The following HS3ST6 variants were observed in gnomAD, a reference collection of about 807,000 sequenced individuals.
HS3ST6 encodes the protein heparan sulfate-glucosamine 3-sulfotransferase 6, also known as heparan sulfate glucosamine 3-O-sulfotransferase 6.
HS3ST6 carries 13 observed loss-of-function variants against 11.0 expected under a neutral mutation model. That is an observed-to-expected ratio of 1.18 (90% CI 0.77 to 1.88). The LOEUF (loss-of-function observed/expected upper bound fraction) is 1.88, where lower values mean the gene tolerates loss of function less well. Among genes scored for constraint, HS3ST6 ranks in the 40% most tolerant of loss-of-function variants. The probability of loss-of-function intolerance (pLI) is 0.00; values close to 1 mark genes in which losing one functional copy is unlikely to be tolerated. For missense variants in HS3ST6, 541 were observed against 494.4 expected (o/e 1.09, Z -0.89); for synonymous variants, 232 against 230.6 (o/e 1.01, Z -0.06).
intron 1 of HS3ST6, among the ~76,000 whole-genome samples, chr16:1,913,213 C>T (rs1233985446): frequency 2.6e-5 from 4 of 152,232 alleles, no homozygotes; most frequent in Admixed American, 6.5e-5. Context: ...GTGGCGGCGC[C>T]GGCCGGAGGA....
At chr16:1,913,810 GCTGCA>G (rs1429184593) in intron 1 of HS3ST6, among the ~76,000 whole-genome samples, 1 of 152,172 alleles carries the variant, frequency 6.6e-6, no homozygotes, top group African/African-American at 2.4e-5. Context: ...GCCAGAGGCA[GCTGCA>G]CAGACCCCTG....
intron 1 of HS3ST6, 107 bp downstream of exon 1, chr16:1,917,803 GC>G: frequency 1.1e-6 from 1 of 900,908 alleles, no homozygotes; most frequent in Non-Finnish European, 1.5e-6. Context: ...ACTGCCCGGA[GC>G]GCACCCCTGC....
At chr16:1,918,655 C>G (rs1247094246), upstream of HS3ST6, among the ~76,000 whole-genome samples, 2 of 152,026 alleles carry the variant, frequency 1.3e-5, no homozygotes, top group East Asian at 3.9e-4. The surrounding 1 kb of genome is among the most constrained non-coding windows in gnomAD (Gnocchi z 6.0). Context: ...TTCACCTCTG[C>G]GCGGGGAGGA....
Position 1,913,438 on chromosome 16 carries a change from G to A in HS3ST6, c.414-1233C>T, listed in dbSNP as rs991549048. 4.6e-5 allele frequency among the ~76,000 whole-genome samples: 7 copies of A among 152,180 alleles called. 1 individual carries two copies. The highest frequency in any genetic ancestry group is 4.6e-4 in the Admixed American group (7 of 15,284). On this transcript the variant is annotated intron_variant, in intron 1 of 1. Coordinates refer to ENST00000454677, the MANE Select transcript of HS3ST6 (RefSeq NM_001009606.4). The stretch of plus-strand genomic sequence containing the variant: ...CATTCTGGGTGCCCAGCCCGGGCAG[G>A]CCCAGGCACCCCCAGCAGTGCCCCG...
chr16:1,913,040 C>T (rs182615521), intron 1 of HS3ST6, among the ~76,000 whole-genome samples: 14 of 152,324 alleles, frequency 9.2e-5, no homozygotes, highest in African/African-American at 2.6e-4. Context: ...GATCCGCCTG[C>T]CTCAGCCTCC....
rs1347109239 is a variant in HS3ST6, at chr16:1,918,039, G to C, written c.285C>G (p.Ile95Met). 4.1e-5 allele frequency: 63 copies of C among 1,523,316 alleles called. 1 individual carries two copies. Among genetic ancestry groups the C allele is most frequent in the Non-Finnish European group, 5.1e-5 (58 of 1,142,646 alleles). 94.4% of individuals were successfully genotyped at this position (1,523,316 alleles called of 1,614,324 possible). ...PGRRRFPQAL[I>M]VGVKKGGTRA... ...GCGTGCCGCCCTTCTTCACGCCAAC[G>C]ATGAGCGCTTGCGGGAAGCGCCGGC... The change falls in exon 1 of 2, where the codon ATC becomes ATG. Residue 95 changes from isoleucine to methionine, a missense_variant. Transcript: ENST00000454677. This position sits in a 1 kb window ranked among gnomAD's most constrained non-coding sequence, Gnocchi z 6.0.
rs748917687 is a variant in HS3ST6 at position 1,912,044 on chromosome 16, G to A, written c.575C>T (p.Ala192Val). ...NPVTRAISDYAQTLSKTPGLP... is the reference protein window; with the variant it reads ...NPVTRAISDYVQTLSKTPGLP... ...GCCCGGGGTCTTGGAGAGCGTCTGG[G>A]CGTAGTCGGAGATGGCCCGGGTCAC... Residue 192 changes from alanine to valine, a missense_variant, in exon 2 of 2, where the codon GCC becomes GTC. Transcript: ENST00000454677. This position sits in a 1 kb window ranked among gnomAD's most constrained non-coding sequence, Gnocchi z 5.6. 10 of 1,520,482 alleles carry A rather than the reference G, an allele frequency of 6.6e-6. No homozygotes were observed. The highest frequency in any genetic ancestry group is 4.4e-6 in the Non-Finnish European group (5 of 1,136,094). The allele number at this position is 1,520,482 out of a possible 1,614,324, so 94.2% of individuals were successfully genotyped here.
In HS3ST6 at chr16:1,918,258, C is replaced by A; in HGVS notation, c.66G>T (p.Gly22=). Residue 22 remains glycine (G), a synonymous_variant, in exon 1 of 2, where the codon GGG becomes GGT. Transcript: ENST00000454677. This position sits in a 1 kb window ranked among gnomAD's most constrained non-coding sequence, Gnocchi z 6.0. Reference sequence around the variant, plus strand: ...GCGCGCGGGACGCCCGCAGAGCGGCCCCTTGCCCGGCCCCTGCGCCCTGGC... The same window carrying A: ...GCGCGCGGGACGCCCGCAGAGCGGCACCTTGCCCGGCCCCTGCGCCCTGGC... ...GGGQGAGAGQ[G]AALRASRAPM... is the part of the protein sequence containing the mutation. 1.0e-6 allele frequency: 1 copy of A among 1,003,786 alleles called. No individual in the cohort carries two copies. Among genetic ancestry groups the A allele is most frequent in the Non-Finnish European group, 1.2e-6 (1 of 841,882 alleles). The allele number at this position is 1,003,786 out of a possible 1,614,324, so 62.2% of individuals were successfully genotyped here.
upstream of HS3ST6, among the ~76,000 whole-genome samples, chr16:1,918,733 G>C (rs2082944922): frequency 6.6e-6 from 1 of 152,086 alleles, no homozygotes; most frequent in African/African-American, 2.4e-5. This position sits in a 1 kb window ranked among gnomAD's most constrained non-coding sequence, Gnocchi z 6.0. Context: ...GGGACCCTCT[G>C]TTTGAAGACC....
intron 1 of HS3ST6, among the ~76,000 whole-genome samples, chr16:1,914,222 C>A (rs767334687): frequency 9.2e-5 from 14 of 152,210 alleles, no homozygotes; most frequent in Non-Finnish European, 2.1e-4. Context: ...ACTCCCCGCC[C>A]CACCTCCTGC....
chr16:1,911,580 A>G lies in HS3ST6; in HGVS notation c.*10T>C. 3.8e-6 allele frequency: 6 copies of G among 1,583,804 alleles called. No homozygotes were observed. The highest frequency in any genetic ancestry group is 5.1e-6 in the Non-Finnish European group (6 of 1,165,482). The stretch of plus-strand genomic sequence containing the variant: ...GTCAATCAAGGTGCTGAGCATCCCC[A>G]GGGTGCCGCTCAGCCCCAGCCGAAG... On this transcript the variant is annotated 3_prime_UTR_variant, in exon 2 of 2. Coordinates refer to ENST00000454677, the MANE Select transcript of HS3ST6 (RefSeq NM_001009606.4).
In HS3ST6 at chr16:1,912,217, G is replaced by A. The variant is rs753806435; in HGVS notation, c.414-12C>T. 28 of 1,395,592 alleles carry A rather than the reference G, an allele frequency of 2.0e-5. No homozygotes were observed. Among genetic ancestry groups the A allele is most frequent in the Non-Finnish European group, 2.3e-5 (25 of 1,073,860 alleles). 86.5% of individuals were successfully genotyped at this position (1,395,592 alleles called of 1,614,324 possible). A position where few individuals can be genotyped will look rare whatever the true frequency, so the allele number is the denominator to read the frequency against. On this transcript the variant is annotated splice_polypyrimidine_tract_variant and intron_variant, in intron 1 of 1. Coordinates refer to ENST00000454677, the MANE Select transcript of HS3ST6 (RefSeq NM_001009606.4). This position sits in a 1 kb window ranked among gnomAD's most constrained non-coding sequence, Gnocchi z 5.6. ...GGGGCATCAGACTCCTGCGGGACGG[G>A]TGCAAGGAGAGGGGGCCTGAGCCTC...
chr16:1,911,971 C>A lies in HS3ST6; in HGVS notation c.648G>T (p.Val216=). 6.4e-7 allele frequency: 1 copy of A among 1,557,350 alleles called. No homozygotes were observed. Among genetic ancestry groups the A allele is most frequent in the African/African-American group, 1.4e-5 (1 of 73,480 alleles). ...TGCGGACGGCGCTCCAGGCTGTGTCCACGGGGCCCAGGCCGTGGCGGAAGG... is the reference window on the plus strand; with the variant it reads ...TGCGGACGGCGCTCCAGGCTGTGTCAACGGGGCCCAGGCCGTGGCGGAAGG... ...ALAFRHGLGP[V]DTAWSAVRIG... is the part of the protein sequence containing the mutation. Residue 216 remains valine, a synonymous_variant, in exon 2 of 2, where the codon GTG becomes GTT. Transcript: ENST00000454677.
At chr16:1,913,948 G>A (rs950431153) in intron 1 of HS3ST6, among the ~76,000 whole-genome samples, 24 of 152,130 alleles carry the variant, frequency 1.6e-4, no homozygotes, top group Admixed American at 2.6e-4. Flanking sequence ...TGGGCGGCAC[G>A]GGAGCCTTCC....
In HS3ST6 at chr16:1,912,035, A is replaced by G. The variant is rs780923344; in HGVS notation, c.584T>C (p.Leu195Pro). Reference sequence around the variant, plus strand: ...GCTGGGCAGGCCCGGGGTCTTGGAGAGCGTCTGGGCGTAGTCGGAGATGGC... The same window carrying G: ...GCTGGGCAGGCCCGGGGTCTTGGAGGGCGTCTGGGCGTAGTCGGAGATGGC... ...TRAISDYAQT[L>P]SKTPGLPSFR... The change falls in exon 2 of 2, where the codon CTC becomes CCC. Residue 195 changes from leucine to proline, a missense_variant. Transcript: ENST00000454677. This position sits in a 1 kb window ranked among gnomAD's most constrained non-coding sequence, Gnocchi z 5.6. 35 of 1,521,744 alleles carry G rather than the reference A, an allele frequency of 2.3e-5. No individual in the cohort carries two copies. In the Admixed American group the frequency reaches 4.4e-4, roughly 19 times the overall value. The allele number at this position is 1,521,744 out of a possible 1,614,324, so 94.3% of individuals were successfully genotyped here. A position where few individuals can be genotyped will look rare whatever the true frequency, so the allele number is the denominator to read the frequency against.
At chr16:1,917,064 T>C (rs2082930964) in intron 1 of HS3ST6, among the ~76,000 whole-genome samples, 1 of 152,038 alleles carries the variant, frequency 6.6e-6, no homozygotes, top group African/African-American at 2.4e-5. Flanking sequence ...CCAAGAGTAG[T>C]TTTAGTACAA....
rs1214682267 is a variant in HS3ST6 at position 1,912,621 on chromosome 16, C to T, written c.414-416G>A. On this transcript the variant is annotated intron_variant, in intron 1 of 1. Transcript: ENST00000454677. This position sits in a 1 kb window ranked among gnomAD's most constrained non-coding sequence, Gnocchi z 5.6. The stretch of plus-strand genomic sequence containing the variant: ...GGCTGCCCCCAGCTCCTTTCTCATC[C>T]CAGACCAAGTACCCCGAGGCCCGCC... Among the ~76,000 whole-genome samples, 1 of 152,078 alleles carries T rather than the reference C, an allele frequency of 6.6e-6. No homozygotes were observed. The highest frequency in any genetic ancestry group is 1.5e-5 in the Non-Finnish European group (1 of 68,010).
intron 1 of HS3ST6, among the ~76,000 whole-genome samples, chr16:1,914,937 G>A (rs976042315): frequency 9.2e-5 from 14 of 152,180 alleles, no homozygotes; most frequent in Non-Finnish European, 1.8e-4. Flanking sequence ...CATCTGACAA[G>A]TTGCTCTGAG....
rs2082896723 is a variant in HS3ST6 at position 1,912,300 on chromosome 16, G to A, written c.414-95C>T. ...ACCAAGGCCCCCTTATGCCCGGGAAGCCCAGGCCTCCAGGGCGAGCAAGTC... is the reference window on the plus strand; with the variant it reads ...ACCAAGGCCCCCTTATGCCCGGGAAACCCAGGCCTCCAGGGCGAGCAAGTC... On this transcript the variant is annotated intron_variant, in intron 1 of 1. Transcript: ENST00000454677. This position sits in a 1 kb window ranked among gnomAD's most constrained non-coding sequence, Gnocchi z 5.6. 1 of 1,139,834 alleles carries A rather than the reference G, an allele frequency of 8.8e-7. No individual in the cohort carries two copies. Among genetic ancestry groups the A allele is most frequent in the Non-Finnish European group, 1.1e-6 (1 of 891,190 alleles). The allele number at this position is 1,139,834 out of a possible 1,614,324, so 70.6% of individuals were successfully genotyped here.
Sources: allele counts gnomAD v4.1 joint callset (sites outside exome capture counted in the v4.1 genomes callset), GRCh38; gene constraint gnomAD v4.1.1; non-coding constraint Gnocchi (gnomAD v3.1); transcripts MANE v1.5; gene names NCBI Gene and HGNC (gene_info 2026-07-23, HGNC 2026-07-21).